GRID2: variants seen among roughly 807,000 people sequenced by gnomAD.
GRID2 encodes glutamate ionotropic receptor delta type subunit 2.
In GRID2, 33 loss-of-function variants were observed where a neutral mutation model predicts 114.8. That is an observed-to-expected ratio of 0.29 (90% CI 0.22 to 0.38). GRID2 has a LOEUF of 0.38. Ranked by LOEUF, GRID2 falls within the 10% of genes least tolerant of loss-of-function variation. GRID2 has a pLI of 1.00. For synonymous variants in GRID2, 505 were observed against 449.9 expected (o/e 1.12, Z -1.55); for missense variants, 1,184 against 1,257.7 (o/e 0.94, Z 0.89).
chr4:93,219,226 A>G (rs2149486147), intron 6 of GRID2, among the ~76,000 whole-genome samples: 1 of 152,360 alleles, frequency 6.6e-6, no homozygotes, highest in African/African-American at 2.4e-5. Flanking sequence ...GTATCAGGAA[A>G]TGAAATACAA....
intron 1 of GRID2, among the ~76,000 whole-genome samples, chr4:92,316,421 A>T (rs188727804): frequency 6.6e-6 from 1 of 152,134 alleles, no homozygotes; most frequent in African/African-American, 2.4e-5. Flanking sequence ...GACATTTTCT[A>T]TAATCCATTA....
At chr4:93,519,056 CT>C (rs1730087956) in intron 13 of GRID2, among the ~76,000 whole-genome samples, 2 of 152,130 alleles carry the variant, frequency 1.3e-5, no homozygotes, top group African/African-American at 2.4e-5. Context: ...TCTTATGCCC[CT>C]ATCCCAGCCT....
Position 93,085,007 on chromosome 4 carries a change from T to C in GRID2, c.257T>C (p.Met86Thr). The stretch of plus-strand genomic sequence containing the variant: ...TGCTTTCTTGCAGCCTGTGAACTTA[T>C]GAATCAAGGCATCTTGGCCCTGGTC... ...FQAVQEACEL[M>T]NQGILALVSS... Residue 86 changes from methionine to threonine, a missense_variant, in exon 3 of 16, where the codon ATG becomes ACG. Transcript: ENST00000282020. 6.2e-7 allele frequency: 1 copy of C among 1,613,738 alleles called. No homozygotes were observed. The highest frequency in any genetic ancestry group is 8.5e-7 in the Non-Finnish European group (1 of 1,179,644).
intron 2 of GRID2, among the ~76,000 whole-genome samples, chr4:92,779,235 T>C (rs1738955180): frequency 6.6e-6 from 1 of 151,312 alleles, no homozygotes; most frequent in Admixed American, 6.6e-5. Context: ...TTAATCTGTG[T>C]CCTTAACGGA....
At chr4:93,063,209 TATC>T (rs1248107773) in intron 2 of GRID2, among the ~76,000 whole-genome samples, 87 of 152,054 alleles carry the variant, frequency 5.7e-4, no homozygotes, top group African/African-American at 2.0e-3. Context: ...ATTATAATGA[TATC>T]ATTTTAACCT....
intron 8 of GRID2, among the ~76,000 whole-genome samples, chr4:93,320,390 CACTTTGAGGAATTTT>C (rs915337167): frequency 1.3e-5 from 2 of 152,102 alleles, no homozygotes; most frequent in Non-Finnish European, 2.9e-5. Context: ...TGATTCTCAA[CACTTTGAGGAATTTT>C]AACCCATGAG....
At chr4:92,873,674 T>C (rs1745432794) in intron 2 of GRID2, among the ~76,000 whole-genome samples, 2 of 152,126 alleles carry the variant, frequency 1.3e-5, no homozygotes, top group African/African-American at 4.8e-5. Flanking sequence ...CTGAATTTGA[T>C]ACTAGTTTAA....
intron 8 of GRID2, among the ~76,000 whole-genome samples, chr4:93,295,466 G>T (rs954541857): frequency 6.6e-6 from 1 of 152,178 alleles, no homozygotes; most frequent in Non-Finnish European, 1.5e-5. Context: ...TTTATGCAGA[G>T]AATTGGCTTA....
chr4:92,805,978 A>T (rs2149375506), intron 2 of GRID2, among the ~76,000 whole-genome samples: 1 of 151,682 alleles, frequency 6.6e-6, no homozygotes, highest in Admixed American at 6.6e-5. Context: ...ACACAATCAT[A>T]TTTTGTATTG....
At chr4:93,106,783 C>A (rs190389706) in intron 3 of GRID2, among the ~76,000 whole-genome samples, 1 of 152,286 alleles carries the variant, frequency 6.6e-6, no homozygotes, top group African/African-American at 2.4e-5. Context: ...TTCCATGAGT[C>A]TGCCTTGTAA....
intron 2 of GRID2, among the ~76,000 whole-genome samples, chr4:92,741,347 C>T (rs1736885669): frequency 6.6e-6 from 1 of 152,154 alleles, no homozygotes; most frequent in Admixed American, 6.5e-5. Context: ...ATTCTAACTA[C>T]AATTGCCATA....
At chr4:93,785,450 AG>A (rs1386875979) in intron 1 of GRID2, among the ~76,000 whole-genome samples, 4 of 152,184 alleles carry the variant, frequency 2.6e-5, no homozygotes, top group Non-Finnish European at 1.5e-5. Flanking sequence ...AAGGAAATAG[AG>A]GTTTTTCAGA....
chr4:92,866,146 A>T (rs1177946300), intron 2 of GRID2, among the ~76,000 whole-genome samples: 2 of 152,140 alleles, frequency 1.3e-5, no homozygotes, highest in African/African-American at 2.4e-5. Flanking sequence ...GATATTTGGG[A>T]TAGTGAGAGG....
At chr4:92,482,727 G>T (rs1722673998) in intron 1 of GRID2, among the ~76,000 whole-genome samples, 1 of 152,036 alleles carries the variant, frequency 6.6e-6, no homozygotes, top group African/African-American at 2.4e-5. Context: ...ACTTGTCTCT[G>T]GCTGAAAGAA....
intron 13 of GRID2, among the ~76,000 whole-genome samples, chr4:93,622,255 A>T (rs1742279914): frequency 6.6e-6 from 1 of 152,176 alleles, no homozygotes; most frequent in South Asian, 2.1e-4. Context: ...GACGAAACCT[A>T]ACCAAGTGTT....
At chr4:93,603,955 T>A (rs1739949919) in intron 13 of GRID2, among the ~76,000 whole-genome samples, 1 of 152,156 alleles carries the variant, frequency 6.6e-6, no homozygotes, top group Admixed American at 6.5e-5. Flanking sequence ...AGAGCTCCGA[T>A]GGGGATGTAC....
At chr4:93,011,888 G>A (rs974615647) in intron 2 of GRID2, among the ~76,000 whole-genome samples, 1 of 151,790 alleles carries the variant, frequency 6.6e-6, no homozygotes, top group Non-Finnish European at 1.5e-5. Flanking sequence ...TTCCTAAATC[G>A]GATCTGCTTC....
At chr4:92,941,879 T>C (rs914492240) in intron 2 of GRID2, among the ~76,000 whole-genome samples, 20 of 152,212 alleles carry the variant, frequency 1.3e-4, no homozygotes, top group African/African-American at 4.1e-4. Context: ...TTGAGTGGTT[T>C]TGAGTGACTT....
At chr4:93,784,598 G>A (rs903549263) in intron 1 of GRID2, among the ~76,000 whole-genome samples, 2 of 150,844 alleles carry the variant, frequency 1.3e-5, no homozygotes, top group Admixed American at 1.3e-4. Context: ...AAAAAAATTT[G>A]TTGATTTATT....
Sources: gnomAD v4.1 joint callset for allele counts (sites outside exome capture counted in the v4.1 genomes callset) on GRCh38, gnomAD v4.1.1 for gene constraint, MANE v1.5 for transcripts, NCBI Gene and HGNC (gene_info 2026-07-23, HGNC 2026-07-21) for gene names.